CEP350: variants seen among roughly 807,000 people sequenced by gnomAD.
CEP350 encodes centrosomal protein 350.
Under a neutral mutation model 331.8 loss-of-function variants are expected in CEP350, and 126 were observed. The ratio of observed to expected loss-of-function variants is 0.38; its 90% confidence interval spans 0.33 to 0.44. The LOEUF is 0.44. CEP350 is among the 20% of genes least tolerant of loss of function. CEP350 has a pLI of 1.00. For synonymous variants in CEP350, 1,200 were observed against 1,259.5 expected (o/e 0.95, Z 1.00); for missense variants, 3,406 against 3,634.6 (o/e 0.94, Z 1.62).
intron 30 of CEP350, among the ~76,000 whole-genome samples, chr1:180,083,545 A>G (rs748079824): frequency 1.1e-4 from 17 of 152,218 alleles, no homozygotes; most frequent in Non-Finnish European, 1.9e-4. Flanking sequence ...ATGAATCACA[A>G]GCAATTTGAA....
intron 19 of CEP350, 79 bp downstream of exon 19, chr1:180,041,881 C>G: frequency 2.3e-6 from 3 of 1,323,824 alleles, no homozygotes; most frequent in South Asian, 1.4e-5. Context: ...TAATGGGTTT[C>G]TAATATCTTA....
At chr1:179,978,735 G>T (rs775293487) in intron 1 of CEP350, among the ~76,000 whole-genome samples, 3 of 151,984 alleles carry the variant, frequency 2.0e-5, no homozygotes, top group Non-Finnish European at 4.4e-5. Context: ...AGGCTGAATG[G>T]TATTCCATTG....
At position 180,015,920 on chromosome 1, in the gene CEP350, A is replaced by C; in HGVS notation, c.2124A>C (p.Ala708=). Residue 708 remains alanine (A), a synonymous_variant, in exon 11 of 38, where the codon GCA becomes GCC. Coordinates refer to ENST00000367607, the MANE Select transcript of CEP350 (RefSeq NM_014810.5). ...ENKVQERPPS[A]SSSSDMSLSE... ...AAGTACAGGAACGTCCCCCAAGTGC[A>C]TCTTCCAGTAGTGACATGTCTCTCT... 6.2e-7 allele frequency: 1 copy of C among 1,613,936 alleles called. No homozygotes were observed. The highest frequency in any genetic ancestry group is 8.5e-7 in the Non-Finnish European group (1 of 1,179,840).
Position 179,955,125 on chromosome 1 carries a change from C to A in CEP350, c.-31C>A. 1 of 1,470,474 alleles carries A rather than the reference C, an allele frequency of 6.8e-7. No individual in the cohort carries two copies. Among genetic ancestry groups the A allele is most frequent in the Non-Finnish European group, 9.0e-7 (1 of 1,112,390 alleles). 91.1% of individuals were successfully genotyped at this position (1,470,474 alleles called of 1,614,324 possible). A position where few individuals can be genotyped will look rare whatever the true frequency, so the allele number is the denominator to read the frequency against. Reference sequence around the variant, plus strand: ...CGGGATGCACCGTGGTAGCCGAGGGCGGAGGCGACACTCTCAGGTGAGCTC... The same window carrying A: ...CGGGATGCACCGTGGTAGCCGAGGGAGGAGGCGACACTCTCAGGTGAGCTC... On this transcript the variant is annotated 5_prime_UTR_variant, in exon 1 of 38. Transcript: ENST00000367607.
rs779430253 is a variant in CEP350, at chr1:179,990,550, C to A, written c.164C>A (p.Thr55Lys). Residue 55 changes from threonine to lysine, a missense_variant, in exon 4 of 38, where the codon ACA becomes AAA. By Grantham distance (78) the Thr-to-Lys change is moderately conservative. This residue lies in a region of CEP350 where 1,857 missense variants were observed against 1,909.2 expected (regional missense o/e 0.97). Coordinates refer to ENST00000367607, the MANE Select transcript of CEP350 (RefSeq NM_014810.5). ...AAATTAGAAGTAGCCCCTACAAGTA[C>A]AGCTGTGTGTGATTCTGTCATGGAT... ...ENKLEVAPTSTAVCDSVMDTK... is the reference protein window; with the variant it reads ...ENKLEVAPTSKAVCDSVMDTK... 3 of 1,605,300 alleles carry A rather than the reference C, an allele frequency of 1.9e-6. No homozygotes were observed. The Admixed American group carries it at 5.1e-5, about 27-fold the overall frequency.
rs764469270 is a variant in CEP350, at chr1:180,037,035, T to A, written c.4056T>A (p.Val1352=). ...GCCAACTGTCAGATGTAGAAAGAGTTAGAGGCATTTCACTTGCTCAGCAGG... is the reference window on the plus strand; with the variant it reads ...GCCAACTGTCAGATGTAGAAAGAGTAAGAGGCATTTCACTTGCTCAGCAGG... ...SVRQLSDVER[V]RGISLAQQES... Residue 1352 remains valine (V), a synonymous_variant, in exon 17 of 38, where the codon GTT becomes GTA. Transcript: ENST00000367607. The A allele has an allele frequency of 1.2e-6, 2 of 1,605,426 alleles. No individual in the cohort carries two copies.
chr1:180,041,242 A>G lies in CEP350; in HGVS notation c.4215A>G (p.Ala1405=). ...QRQLEETRNK[A]AQVHAESLQQ... is the part of the protein sequence containing the mutation. ...AATTAGAAGAAACCCGAAACAAAGC[A>G]GCTCAGGTAACTTATTTTGCAGCAG... The change falls in exon 18 of 38, where the codon GCA becomes GCG. Residue 1405 remains alanine, a synonymous_variant. Coordinates refer to ENST00000367607, the MANE Select transcript of CEP350 (RefSeq NM_014810.5). The G allele has an allele frequency of 6.3e-7, 1 of 1,576,100 alleles. No homozygotes were observed. Among genetic ancestry groups the G allele is most frequent in the Non-Finnish European group, 8.6e-7 (1 of 1,162,920 alleles).
chr1:179,996,697 T>G lies in CEP350; in HGVS notation c.540T>G (p.Asp180Glu), dbSNP rs1316661240. 6.2e-7 allele frequency: 1 copy of G among 1,613,678 alleles called. No homozygotes were observed. The highest frequency in any genetic ancestry group is 2.2e-5 in the East Asian group (1 of 44,880). Reference protein sequence around the residue: ...SREERNIRSCDFESSQSSVIN... With the variant: ...SREERNIRSCEFESSQSSVIN... ...AAGAACGGAATATACGGAGCTGTGA[T>G]TTTGAGAGCTCCCAATCATCTGTCA... Residue 180 changes from aspartate to glutamate, a missense_variant, in exon 6 of 38, where the codon GAT (aspartate) becomes GAG (glutamate). Physicochemically the swap from Asp to Glu is conservative, Grantham distance 45. This residue lies in a region of CEP350 where 1,857 missense variants were observed against 1,909.2 expected (regional missense o/e 0.97). Transcript: ENST00000367607.
At position 180,094,375 on chromosome 1, in the gene CEP350, G is replaced by A. The variant is rs1660362644; in HGVS notation, c.8270G>A (p.Ser2757Asn). 6.2e-7 allele frequency: 1 copy of A among 1,613,648 alleles called. No homozygotes were observed. The highest frequency in any genetic ancestry group is 2.2e-5 in the East Asian group (1 of 44,876). ...QLEKISLLTD[S>N]LLKVFVKDTV... ...GAAAAAATCAGCTTACTGACAGACA[G>A]TTTACTAAAAGTCTTTGTAAAGGAC... The change falls in exon 34 of 38, where the codon AGT becomes AAT. Residue 2757 changes from serine to asparagine, a missense_variant. Physicochemically the swap from Ser to Asn is conservative, Grantham distance 46. Around this residue, in one of 5 missense-constraint regions of CEP350, gnomAD observed 1,415 missense variants for 1,512.3 expected, o/e 0.94. Coordinates refer to ENST00000367607, the MANE Select transcript of CEP350 (RefSeq NM_014810.5).
chr1:180,099,130 C>T, intron 37 of CEP350, 145 bp downstream of exon 37: 2 of 771,074 alleles, frequency 2.6e-6, no homozygotes, highest in Admixed American at 6.5e-5. Context: ...GCATTTCTAC[C>T]CCTCAGTTTT....
rs546292971 is a variant in CEP350 at position 180,015,938 on chromosome 1, G to A, written c.2142G>A (p.Met714Ile). The change falls in exon 11 of 38, where the codon ATG (methionine) becomes ATA (isoleucine). Residue 714 changes from methionine (M) to isoleucine (I), a missense_variant. Met to Ile is a conservative substitution (Grantham distance 10). Around this residue, in one of 5 missense-constraint regions of CEP350, gnomAD observed 1,857 missense variants for 1,909.2 expected, o/e 0.97. Coordinates refer to ENST00000367607, the MANE Select transcript of CEP350 (RefSeq NM_014810.5). ...CAAGTGCATCTTCCAGTAGTGACAT[G>A]TCTCTCTCAGAACCTCCACAGCCTC... is the stretch of plus-strand genomic sequence containing the variant. ...RPPSASSSSD[M>I]SLSEPPQPLA... 30 of 1,613,870 alleles carry A rather than the reference G, an allele frequency of 1.9e-5. No homozygotes were observed. The South Asian group carries it at 3.3e-4, about 18-fold the overall frequency.
chr1:180,091,600 G>A (rs1571987526), intron 33 of CEP350, among the ~76,000 whole-genome samples: 1 of 152,156 alleles, frequency 6.6e-6, no homozygotes, highest in East Asian at 1.9e-4. Context: ...AAAGGCTGAA[G>A]TAGGCAGGTC....
At chr1:180,021,338 C>T (rs1381466317) in intron 12 of CEP350, among the ~76,000 whole-genome samples, 3 of 151,926 alleles carry the variant, frequency 2.0e-5, no homozygotes, top group Non-Finnish European at 4.4e-5. Context: ...TTTTCTGTGA[C>T]CATAGTTATG....
Position 180,014,336 on chromosome 1 carries a change from G to T in CEP350, c.1883G>T (p.Arg628Leu). Residue 628 changes from arginine to leucine, a missense_variant, in exon 10 of 38, where the codon CGA (arginine) becomes CTA (leucine). By Grantham distance (102) the Arg-to-Leu change is moderately radical. Transcript: ENST00000367607. ...QKEATEQKNKRLQELYRKQKE... is the reference protein window; with the variant it reads ...QKEATEQKNKLLQELYRKQKE... Reference sequence around the variant, plus strand: ...GAGGCTACAGAACAGAAAAACAAACGATTACAAGAGCTCTACCGGAAGCAG... The same window carrying T: ...GAGGCTACAGAACAGAAAAACAAACTATTACAAGAGCTCTACCGGAAGCAG... 6.3e-7 allele frequency: 1 copy of T among 1,590,062 alleles called. No homozygotes were observed. The highest frequency in any genetic ancestry group is 1.1e-5 in the South Asian group (1 of 87,374).
In CEP350 at chr1:180,092,988, T is replaced by C; in HGVS notation, c.6883T>C (p.Ser2295Pro). Residue 2295 changes from serine (S) to proline (P), a missense_variant, in exon 34 of 38, where the codon TCT becomes CCT. By Grantham distance (74) the Ser-to-Pro change is moderately conservative. Coordinates refer to ENST00000367607, the MANE Select transcript of CEP350 (RefSeq NM_014810.5). Reference sequence around the variant, plus strand: ...ATTAGTCCTAGAACAGGGAGATTCATCTGAAATTCTTTCAAAGAAAGATCT... The same window carrying C: ...ATTAGTCCTAGAACAGGGAGATTCACCTGAAATTCTTTCAAAGAAAGATCT... ...LKLVLEQGDSSEILSKKDLPL... is the reference protein window; with the variant it reads ...LKLVLEQGDSPEILSKKDLPL... 2 of 1,602,430 alleles carry C rather than the reference T, an allele frequency of 1.2e-6. No homozygotes were observed. Among genetic ancestry groups the C allele is most frequent in the East Asian group, 2.2e-5 (1 of 44,780 alleles).
chr1:180,104,382 T>A (rs937960946), intron 37 of CEP350, among the ~76,000 whole-genome samples: 3 of 152,214 alleles, frequency 2.0e-5, no homozygotes, highest in Admixed American at 6.5e-5. Context: ...GGATTTTTTT[T>A]ATTGTTTTTC....
chr1:180,023,413 A>G (rs1327357721), intron 13 of CEP350, among the ~76,000 whole-genome samples: 1 of 152,216 alleles, frequency 6.6e-6, no homozygotes, highest in African/African-American at 2.4e-5. Flanking sequence ...CTAACATAAA[A>G]AGCTTAAGAA....
At chr1:179,991,062 C>T (rs1347129250) in intron 4 of CEP350, among the ~76,000 whole-genome samples, 3 of 151,872 alleles carry the variant, frequency 2.0e-5, no homozygotes, top group Admixed American at 2.0e-4. Flanking sequence ...ATTGCATCAC[C>T]CTTGACAATG....
At chr1:180,008,174 CA>C (rs1654389136) in intron 8 of CEP350, among the ~76,000 whole-genome samples, 1 of 152,084 alleles carries the variant, frequency 6.6e-6, no homozygotes, top group African/African-American at 2.4e-5. Flanking sequence ...TATGGCGTTC[CA>C]ACCAGTATTA....
Sources: allele counts gnomAD v4.1 joint callset (sites outside exome capture counted in the v4.1 genomes callset), GRCh38; gene constraint gnomAD v4.1.1; regional missense constraint gnomAD v4.1.1; transcripts MANE v1.5; gene names NCBI Gene and HGNC (gene_info 2026-07-23, HGNC 2026-07-21).